The following HSD3B7 variants were observed in gnomAD, a reference collection of about 807,000 sequenced individuals.
HSD3B7 encodes hydroxy-delta-5-steroid dehydrogenase, 3 beta- and steroid delta-isomerase 7.
In HSD3B7, 35 loss-of-function variants were observed where a neutral mutation model predicts 34.3. The ratio of observed to expected loss-of-function variants is 1.02; its 90% confidence interval spans 0.78 to 1.35. HSD3B7 has a LOEUF of 1.35. Among genes scored for constraint, HSD3B7 ranks in the 40% most tolerant of loss-of-function variants. The pLI is 0.00. For synonymous variants in HSD3B7, 217 were observed against 220.1 expected, an observed-to-expected ratio of 0.99 and a Z score of 0.13; for missense variants, 426 against 504.7, an observed-to-expected ratio of 0.84 and a Z score of 1.49.
chr16:30,985,753 G>A lies in HSD3B7; in HGVS notation c.95G>A (p.Arg32Gln), dbSNP rs200826725. 2.9e-5 allele frequency: 47 copies of A among 1,606,180 alleles called. No homozygotes were observed. The highest frequency in any genetic ancestry group is 9.4e-5 in the African/African-American group (7 of 74,846). ...CACGTGGTGCGAATGCTGCTGCAGC[G>A]GGAGCCCCGGCTCGGGGAGCTGCGG... Reference protein sequence around the residue: ...GEHVVRMLLQREPRLGELRVF... With the variant: ...GEHVVRMLLQQEPRLGELRVF... The change falls in exon 2 of 7, where the codon CGG becomes CAG. Residue 32 changes from arginine (R) to glutamine (Q), a missense_variant. By Grantham distance (43) the Arg-to-Gln change is conservative (BLOSUM62 1). Transcript: ENST00000297679.
chr16:30,986,162 G>C lies in HSD3B7; in HGVS notation c.280G>C (p.Gly94Arg). 1 of 1,614,058 alleles carries C rather than the reference G, an allele frequency of 6.2e-7. No homozygotes were observed. The highest frequency in any genetic ancestry group is 8.5e-7 in the Non-Finnish European group (1 of 1,180,012). The change falls in exon 3 of 7, where the codon GGC becomes CGC. Residue 94 changes from glycine to arginine, a missense_variant. By Grantham distance (125) the Gly-to-Arg change is moderately radical. Coordinates refer to ENST00000297679, the MANE Select transcript of HSD3B7 (RefSeq NM_025193.4). ...CACGGCTGGGCTGGTAGACGTGTTTGGCAGGGCCAGTCCCAAGACCATCCA... is the reference window on the plus strand; with the variant it reads ...CACGGCTGGGCTGGTAGACGTGTTTCGCAGGGCCAGTCCCAAGACCATCCA... ...IHTAGLVDVF[G>R]RASPKTIHEV...
At position 30,988,513 on chromosome 16, in the gene HSD3B7, T is replaced by G; in HGVS notation, c.*330T>G. On this transcript the variant is annotated 3_prime_UTR_variant, in exon 7 of 7. Transcript: ENST00000297679. ...ACACCTGGCTTTTTTTTGTTGTTTT[T>G]AGAGACAGGGTCTCACTATATTGCT... 3.6e-6 allele frequency: 1 copy of G among 277,904 alleles called. No individual in the cohort carries two copies. Among genetic ancestry groups the G allele is most frequent in the Non-Finnish European group, 6.9e-6 (1 of 144,054 alleles). The allele number at this position is 277,904 out of a possible 1,614,324, so 17.2% of individuals were successfully genotyped here.
Position 30,986,852 on chromosome 16 carries a change from C to T in HSD3B7, c.544C>T (p.Leu182=), listed in dbSNP as rs1242324740. The change falls in exon 6 of 7, where the codon CTG becomes TTG. Residue 182 remains leucine (L), a synonymous_variant. Coordinates refer to ENST00000297679, the MANE Select transcript of HSD3B7 (RefSeq NM_025193.4). ...CCTTTGCCACCAGGTCCGTGGGGGG[C>T]TGCCCCTGGTGACGTGTGCCCTTCG... ...EANGRKVRGG[L]PLVTCALRPT... is the part of the protein sequence containing the mutation. 1 of 1,613,998 alleles carries T rather than the reference C, an allele frequency of 6.2e-7. No homozygotes were observed. The highest frequency in any genetic ancestry group is 8.5e-7 in the Non-Finnish European group (1 of 1,180,044).
intron 1 of HSD3B7, 173 bp downstream of exon 1, chr16:30,985,470 T>C: frequency 6.8e-7 from 1 of 1,472,596 alleles, no homozygotes; most frequent in African/African-American, 1.4e-5. Context: ...CCCGCCCCTC[T>C]CTCCGTAACT....
In HSD3B7 at chr16:30,985,302, G is replaced by A; in HGVS notation, c.-7+5G>A. ...ACCCTGGGATAGCGGCTGCAGGTAG[G>A]CAGAGGCGCTGCCAGTGCCCAGGTG... is the stretch of plus-strand genomic sequence containing the variant. On this transcript the variant is annotated splice_donor_5th_base_variant and intron_variant, in intron 1 of 6. Transcript: ENST00000297679. 8.3e-7 allele frequency: 1 copy of A among 1,204,492 alleles called. No homozygotes were observed. The highest frequency in any genetic ancestry group is 1.0e-6 in the Non-Finnish European group (1 of 954,408). The allele number at this position is 1,204,492 out of a possible 1,614,324, so 74.6% of individuals were successfully genotyped here. A position where few individuals can be genotyped will look rare whatever the true frequency, so the allele number is the denominator to read the frequency against.
chr16:30,987,005 G>A lies in HSD3B7; in HGVS notation c.694+3G>A. On this transcript the variant is annotated splice_donor_region_variant and intron_variant, in intron 6 of 6. Coordinates refer to ENST00000297679, the MANE Select transcript of HSD3B7 (RefSeq NM_025193.4). ...GGAGCATGGCCGGGTCTATGTGGGT[G>A]AGGACTGGGCTAGGCAGGGGGAGGC... 1 of 1,609,366 alleles carries A rather than the reference G, an allele frequency of 6.2e-7. No homozygotes were observed. Among genetic ancestry groups the A allele is most frequent in the Non-Finnish European group, 8.5e-7 (1 of 1,177,238 alleles).
At chr16:30,986,363 G>A in intron 3 of HSD3B7, 60 bp from the exon 4 acceptor site, 4 of 1,575,030 alleles carry the variant, frequency 2.5e-6, no homozygotes, top group Non-Finnish European at 3.5e-6. Flanking sequence ...CTGGGATGGG[G>A]AGGAGGAAGA....
intron 2 of HSD3B7, 42 bp from the exon 3 acceptor site, chr16:30,986,007 G>A (rs1340359518): frequency 1.2e-6 from 2 of 1,606,378 alleles, no homozygotes; most frequent in African/African-American, 1.3e-5. Context: ...CTGGCCTCTG[G>A]CCCCAGCTCT....
chr16:30,987,256 CAGGAG>C, intron 6 of HSD3B7: 35 of 541,366 alleles, frequency 6.5e-5, no homozygotes, highest in Admixed American at 1.3e-4. Context: ...AGCCATTCCC[CAGGAG>C]AGGAGAGGAG....
Position 30,988,368 on chromosome 16 carries a change from T to G in HSD3B7, c.*185T>G, listed in dbSNP as rs2056519350. 6.5e-6 allele frequency: 4 copies of G among 617,602 alleles called. No individual in the cohort carries two copies. The highest frequency in any genetic ancestry group is 1.1e-5 in the Non-Finnish European group (4 of 355,146). 38.3% of individuals were successfully genotyped at this position (617,602 alleles called of 1,614,324 possible). A position where few individuals can be genotyped will look rare whatever the true frequency, so the allele number is the denominator to read the frequency against. On this transcript the variant is annotated 3_prime_UTR_variant, in exon 7 of 7. Transcript: ENST00000297679. ...TCTTTTTTGAGACAGGGTCTTGCTCTGTCACCCAGACTGGAGTGCAGTGGT... is the reference window on the plus strand; with the variant it reads ...TCTTTTTTGAGACAGGGTCTTGCTCGGTCACCCAGACTGGAGTGCAGTGGT...
Position 30,987,827 on chromosome 16 carries a change from A to G in HSD3B7, c.754A>G (p.Met252Val). 6.2e-7 allele frequency: 1 copy of G among 1,613,396 alleles called. No individual in the cohort carries two copies. The highest frequency in any genetic ancestry group is 2.2e-5 in the East Asian group (1 of 44,882). Residue 252 changes from methionine to valine, a missense_variant, in exon 7 of 7, where the codon ATG (methionine) becomes GTG (valine). Physicochemically the swap from Met to Val is conservative, Grantham distance 21. Transcript: ENST00000297679. ...GGAGCTGGAGCAGCGGGCAACCCTG[A>G]TGGGCGGCCAGGTATACTTCTGCTA... ...ARELEQRATL[M>V]GGQVYFCYDG... is the part of the protein sequence containing the mutation.
rs769439604 is a variant in HSD3B7 at position 30,988,133 on chromosome 16, C to T, written c.1060C>T (p.Arg354Trp). Residue 354 changes from arginine (R) to tryptophan (W), a missense_variant, in exon 7 of 7, where the codon CGG becomes TGG. Physicochemically the swap from Arg to Trp is moderately radical, Grantham distance 101. Coordinates refer to ENST00000297679, the MANE Select transcript of HSD3B7 (RefSeq NM_025193.4). ...GCCCCTGTTCTCGTGGGAGGATAGCCGGACCCGTACCATTCTCTGGGTACA... is the reference window on the plus strand; with the variant it reads ...GCCCCTGTTCTCGTGGGAGGATAGCTGGACCCGTACCATTCTCTGGGTACA... ...YEPLFSWEDSRTRTILWVQAA... is the reference protein window; with the variant it reads ...YEPLFSWEDSWTRTILWVQAA... 17 of 1,606,304 alleles carry T rather than the reference C, an allele frequency of 1.1e-5. No homozygotes were observed. Among genetic ancestry groups the T allele is most frequent in the Middle Eastern group, 1.6e-4 (1 of 6,074 alleles).
intron 2 of HSD3B7, 70 bp from the exon 3 acceptor site, chr16:30,985,979 G>T: frequency 6.3e-7 from 1 of 1,589,476 alleles, no homozygotes; most frequent in South Asian, 1.1e-5. Context: ...ACTCCAGGGT[G>T]GAAGATGAAC....
chr16:30,987,485 A>C, intron 6 of HSD3B7: 3 of 535,250 alleles, frequency 5.6e-6, no homozygotes, highest in Non-Finnish European at 3.4e-6. Flanking sequence ...TACACAGGGA[A>C]TAAGGTCACC....
rs566896771 is a variant in HSD3B7, at chr16:30,988,654, AG to A, written c.*473del. 152 of 166,644 alleles carry A rather than the reference AG, an allele frequency of 9.1e-4. 1 individual carries two copies. The highest frequency in any genetic ancestry group is 6.1e-3 in the South Asian group (40 of 6,550). The allele number at this position is 166,644 out of a possible 1,614,324, so 10.3% of individuals were successfully genotyped here. Reference sequence around the variant, plus strand: ...CCCAAGCCCTCCACATTTTCAATCCAGGAGCCTTGAGTCTGTGTTGTGTCCT... The same window carrying A: ...CCCAAGCCCTCCACATTTTCAATCCAGAGCCTTGAGTCTGTGTTGTGTCCT... On this transcript the variant is annotated 3_prime_UTR_variant, in exon 7 of 7. Coordinates refer to ENST00000297679, the MANE Select transcript of HSD3B7 (RefSeq NM_025193.4).
intron 3 of HSD3B7, 32 bp from the exon 4 acceptor site, chr16:30,986,391 C>A (rs1053947839): frequency 6.3e-7 from 1 of 1,598,480 alleles, no homozygotes; most frequent in South Asian, 1.1e-5. Context: ...AGGGAAGAAG[C>A]TGCAGCTTGG....
chr16:30,988,971 A>G lies in HSD3B7; in HGVS notation c.*788A>G, dbSNP rs562024882. 6.6e-6 allele frequency: 1 copy of G among 152,298 alleles called. No individual in the cohort carries two copies. The highest frequency in any genetic ancestry group is 1.5e-5 in the Non-Finnish European group (1 of 68,068). The allele number at this position is 152,298 out of a possible 1,614,324, so 9.4% of individuals were successfully genotyped here. A position where few individuals can be genotyped will look rare whatever the true frequency, so the allele number is the denominator to read the frequency against. ...GAGGTGATGTTCCCATTGTTTTTCA[A>G]AGGCCTCACCTTCAACTGTCTGTCT... On this transcript the variant is annotated 3_prime_UTR_variant, in exon 7 of 7. Coordinates refer to ENST00000297679, the MANE Select transcript of HSD3B7 (RefSeq NM_025193.4).
chr16:30,985,291 G>T lies in HSD3B7; in HGVS notation c.-13G>T, dbSNP rs962424341. 10 of 1,191,478 alleles carry T rather than the reference G, an allele frequency of 8.4e-6. No homozygotes were observed. In the East Asian group the frequency reaches 5.7e-4, roughly 68 times the overall value. The allele number at this position is 1,191,478 out of a possible 1,614,324, so 73.8% of individuals were successfully genotyped here. A position where few individuals can be genotyped will look rare whatever the true frequency, so the allele number is the denominator to read the frequency against. On this transcript the variant is annotated 5_prime_UTR_variant, in exon 1 of 7. Coordinates refer to ENST00000297679, the MANE Select transcript of HSD3B7 (RefSeq NM_025193.4). ...CCAGTCTGGGCACCCTGGGATAGCG[G>T]CTGCAGGTAGGCAGAGGCGCTGCCA...
At chr16:30,985,958 T>C (rs777102183) in intron 2 of HSD3B7, 91 bp from the exon 3 acceptor site, 1 of 1,578,694 alleles carries the variant, frequency 6.3e-7, no homozygotes, top group East Asian at 2.2e-5. Context: ...GTGAGTCACA[T>C]TGGGAACGTG....
Sources: allele counts gnomAD v4.1 joint callset, GRCh38; gene constraint gnomAD v4.1.1; transcripts MANE v1.5; gene names NCBI Gene and HGNC (gene_info 2026-07-23, HGNC 2026-07-21).